NPHS1: variants seen among roughly 807,000 people sequenced by gnomAD.
The protein encoded by NPHS1 is nephrin.
Under a neutral mutation model 139.7 loss-of-function variants are expected in NPHS1, and 107 were observed. That is an observed-to-expected ratio of 0.77 (90% CI 0.66 to 0.90). The LOEUF (loss-of-function observed/expected upper bound fraction) is 0.90. NPHS1 is among the 40% of genes least tolerant of loss of function. The probability of loss-of-function intolerance (pLI) is 0.00; values close to 1 mark genes in which losing one functional copy is unlikely to be tolerated. For synonymous variants in NPHS1, 707 were observed against 706.6 expected (o/e 1.00, Z -0.01); for missense variants, 1,580 against 1,654.2 (o/e 0.96, Z 0.78).
rs538154351 is a variant in NPHS1, at chr19:35,831,803, G to A, written c.3167-41C>T. ...ACCCCTCAGTGAATCCCAGACAACA[G>A]GCTGTAGGCCAGGGGTGGGTCTCCC... is the stretch of plus-strand genomic sequence containing the variant. On this transcript the variant is annotated intron_variant, in intron 23 of 28. Transcript: ENST00000378910. The A allele has an allele frequency of 5.2e-5, 81 of 1,547,546 alleles. No individual in the cohort carries two copies. In the South Asian group the frequency reaches 9.0e-4, roughly 17 times the overall value.
intron 22 of NPHS1, among the ~76,000 whole-genome samples, chr19:35,838,447 G>A (rs1973006969): frequency 6.6e-6 from 1 of 152,102 alleles, no homozygotes; most frequent in Non-Finnish European, 1.5e-5. Flanking sequence ...CAGCTACTTA[G>A]GAGGCTGAGG....
Position 35,835,694 on chromosome 19 carries a change from T to TG in NPHS1, c.3166+10dup. The TG allele has an allele frequency of 1.2e-6, 2 of 1,612,982 alleles. No individual in the cohort carries two copies. Among genetic ancestry groups the TG allele is most frequent in the South Asian group, 2.2e-5 (2 of 91,058 alleles). ...GGGGAGCCGGGAGGGATCAGGGGAC[T>TG]GAGGACTTGCCTGAAGGTGGCTCTG... On this transcript the variant is annotated intron_variant, in intron 23 of 28. Coordinates refer to ENST00000378910, the MANE Select transcript of NPHS1 (RefSeq NM_004646.4).
rs774473854 is a variant in NPHS1, at chr19:35,851,656, C to A, written c.75G>T (p.Ala25=). The A allele has an allele frequency of 1.2e-6, 2 of 1,612,902 alleles. No individual in the cohort carries two copies. Among genetic ancestry groups the A allele is most frequent in the African/African-American group, 2.7e-5 (2 of 74,900 alleles). The part of the protein sequence containing the change: ...GLLTEGLAQL[A]IPASVPRGFW... ...AGCCCCGGGGAACGGAGGCAGGAAT[C>A]GCCAACTGCGCCAGGCCTGAGGACA... The change falls in exon 2 of 29, where the codon GCG becomes GCT. Residue 25 remains alanine, a synonymous_variant. Transcript: ENST00000378910.
chr19:35,843,364 G>T, intron 17 of NPHS1, 108 bp downstream of exon 17: 1 of 1,366,160 alleles, frequency 7.3e-7, no homozygotes, highest in Non-Finnish European at 1.0e-6. Flanking sequence ...CGAGTATATA[G>T]TTATAAGGGT....
rs769339175 is a variant in NPHS1, at chr19:35,830,966, G to C, written c.3482-10C>G. 6.2e-7 allele frequency: 1 copy of C among 1,607,750 alleles called. No individual in the cohort carries two copies. The highest frequency in any genetic ancestry group is 1.7e-5 in the Admixed American group (1 of 59,978). On this transcript the variant is annotated splice_polypyrimidine_tract_variant and intron_variant, in intron 27 of 28. Coordinates refer to ENST00000378910, the MANE Select transcript of NPHS1 (RefSeq NM_004646.4). ...TCTTCACCTGTGAAACCTGGAGTTG[G>C]AGTGGAAGGGAGACACGATCAAGGC...
chr19:35,849,466 T>G (rs1386438122), intron 6 of NPHS1, 84 bp downstream of exon 6: 26 of 1,597,838 alleles, frequency 1.6e-5, no homozygotes, highest in Admixed American at 6.7e-5. Flanking sequence ...GTGCCTGAAT[T>G]TCCATAATCC....
chr19:35,831,266 TG>T (rs766508678), intron 26 of NPHS1, 29 bp downstream of exon 26: 5 of 1,610,786 alleles, frequency 3.1e-6, no homozygotes, highest in Non-Finnish European at 4.2e-6. Context: ...GTGCCCTGAT[TG>T]TGGGGTCACC....
chr19:35,840,650 C>T (rs546825726), intron 20 of NPHS1, among the ~76,000 whole-genome samples: 60 of 149,432 alleles, frequency 4.0e-4, no homozygotes, highest in Non-Finnish European at 8.0e-4. Context: ...TTTCTTTAAA[C>T]GTCTCATCAT....
In NPHS1 at chr19:35,845,731, C is replaced by G. The variant is rs777792087; in HGVS notation, c.1695G>C (p.Leu565Phe). Residue 565 changes from leucine to phenylalanine, a missense_variant, in exon 13 of 29, where the codon TTG becomes TTC. Transcript: ENST00000378910. The surrounding 1 kb of genome is among the most constrained non-coding windows in gnomAD (Gnocchi z 5.5). Reference sequence around the variant, plus strand: ...GATTGCTGCTGACGCTGACGCATGTCAAGTTTAAGGCGTCTCCCGGGCGCA... The same window carrying G: ...GATTGCTGCTGACGCTGACGCATGTGAAGTTTAAGGCGTCTCCCGGGCGCA... Reference protein sequence around the residue: ...SALRPGDALNLTCVSVSSNPP... With the variant: ...SALRPGDALNFTCVSVSSNPP... 6.2e-7 allele frequency: 1 copy of G among 1,614,144 alleles called. No individual in the cohort carries two copies. Among genetic ancestry groups the G allele is most frequent in the Non-Finnish European group, 8.5e-7 (1 of 1,179,978 alleles).
rs76945718 is a variant in NPHS1, at chr19:35,838,572, G to A, written c.3109+665C>T. ...CATCTCAAAAATAAAAAATAAGGCC[G>A]CGCATGGTGGCTCAGGCCTATGATT... is the stretch of plus-strand genomic sequence containing the variant. On this transcript the variant is annotated intron_variant, in intron 22 of 28. Transcript: ENST00000378910. Among the ~76,000 whole-genome samples, 69 of 150,750 alleles carry A rather than the reference G, an allele frequency of 4.6e-4. No homozygotes were observed. The East Asian group carries it at 9.3e-3, about 20-fold the overall frequency.
At position 35,845,337 on chromosome 19, in the gene NPHS1, T is replaced by C; in HGVS notation, c.1930+31A>G. The C allele has an allele frequency of 6.2e-7, 1 of 1,613,374 alleles. No individual in the cohort carries two copies. Among genetic ancestry groups the C allele is most frequent in the South Asian group, 1.1e-5 (1 of 91,046 alleles). ...GGAGTAGTTTAGGGTCAAGAAGGCA[T>C]CGAGAGGGGCTTTCAGGCCGGGGCA... On this transcript the variant is annotated intron_variant, in intron 14 of 28. Transcript: ENST00000378910. This position sits in a 1 kb window ranked among gnomAD's most constrained non-coding sequence, Gnocchi z 5.5.
Position 35,850,236 on chromosome 19 carries a change from G to A in NPHS1, c.608+128C>T, listed in dbSNP as rs926176142. The A allele has an allele frequency of 2.5e-5, 19 of 750,420 alleles. 1 individual carries two copies. In the Admixed American group the frequency reaches 2.6e-4, roughly 10 times the overall value. The allele number at this position is 750,420 out of a possible 1,614,324, so 46.5% of individuals were successfully genotyped here. A position where few individuals can be genotyped will look rare whatever the true frequency, so the allele number is the denominator to read the frequency against. On this transcript the variant is annotated intron_variant, in intron 5 of 28. Coordinates refer to ENST00000378910, the MANE Select transcript of NPHS1 (RefSeq NM_004646.4). ...TGTTCCCCATGAAGAAGCTTTGAGA[G>A]TCAGGATGAAGAATTGGGTCCCAGA...
intron 22 of NPHS1, among the ~76,000 whole-genome samples, chr19:35,836,031 C>T (rs1168240442): frequency 6.8e-6 from 1 of 146,612 alleles, no homozygotes; most frequent in African/African-American, 2.5e-5. Context: ...GCAATCTCAG[C>T]TCACTGAAAC....
At chr19:35,839,863 G>A (rs181597882) in intron 20 of NPHS1, among the ~76,000 whole-genome samples, 65 of 152,096 alleles carry the variant, frequency 4.3e-4, no homozygotes, top group Admixed American at 2.2e-3. Context: ...AACATAGCAA[G>A]ACCCTGTCTC....
intron 25 of NPHS1, 42 bp from the exon 26 acceptor site, chr19:35,831,413 C>T: frequency 6.2e-7 from 1 of 1,613,020 alleles, no homozygotes; most frequent in Non-Finnish European, 8.5e-7. Flanking sequence ...GTGCTGCCCC[C>T]CGCCACCAGT....
At position 35,848,143 on chromosome 19, in the gene NPHS1, A is replaced by G. The variant is rs753725398; in HGVS notation, c.1338T>C (p.Ile446=). 1.2e-6 allele frequency: 2 copies of G among 1,614,064 alleles called. No homozygotes were observed. Among genetic ancestry groups the G allele is most frequent in the Admixed American group, 3.3e-5 (2 of 60,022 alleles). Residue 446 remains isoleucine (I), a synonymous_variant, in exon 11 of 29, where the codon ATT becomes ATC. Coordinates refer to ENST00000378910, the MANE Select transcript of NPHS1 (RefSeq NM_004646.4). ...NVKYPAQKLW[I]EGPPEGQKLR... The stretch of plus-strand genomic sequence containing the variant: ...GCTTCTGGCCCTCTGGGGGACCCTC[A>G]ATCCACAGTTTCTGGGCGGGATCTG...
chr19:35,829,870 T>C (rs1357954593), intron 28 of NPHS1, among the ~76,000 whole-genome samples: 2 of 150,656 alleles, frequency 1.3e-5, no homozygotes, highest in Admixed American at 6.6e-5. Flanking sequence ...TGGGGTATTA[T>C]TGTGTTGCCC....
Position 35,844,176 on chromosome 19 carries a change from G to T in NPHS1, c.2139C>A (p.Asp713Glu). 1 of 1,611,306 alleles carries T rather than the reference G, an allele frequency of 6.2e-7. No homozygotes were observed. The highest frequency in any genetic ancestry group is 1.1e-5 in the South Asian group (1 of 91,062). The change falls in exon 16 of 29, where the codon GAC becomes GAA. Residue 713 changes from aspartate (D) to glutamate (E), a missense_variant. Transcript: ENST00000378910. The stretch of plus-strand genomic sequence containing the variant: ...GGCAGTGCAGCTGATAGAGGCCGTC[G>T]TCCGCGCGGGTCACATTCCACAGAT... ...ALHLWNVTRA[D>E]DGLYQLHCQN...
intron 5 of NPHS1, 37 bp downstream of exon 5, chr19:35,850,316 TGGGGAAAATTA>T: frequency 6.8e-7 from 1 of 1,472,988 alleles, no homozygotes; most frequent in Non-Finnish European, 9.5e-7. Context: ...GGGGTTCCCA[TGGGGAAAATTA>T]GGGGTCAAGG....
Sources: allele counts gnomAD v4.1 joint callset (sites outside exome capture counted in the v4.1 genomes callset), GRCh38; gene constraint gnomAD v4.1.1; non-coding constraint Gnocchi (gnomAD v3.1); transcripts MANE v1.5; gene names NCBI Gene and HGNC (gene_info 2026-07-23, HGNC 2026-07-21).